SPECC1L: variants seen among roughly 807,000 people sequenced by gnomAD.
SPECC1L encodes sperm antigen with calponin homology and coiled-coil domains 1 like.
Under a neutral mutation model 116.8 loss-of-function variants are expected in SPECC1L, and 40 were observed. The ratio of observed to expected loss-of-function variants is 0.34; its 90% confidence interval spans 0.27 to 0.45. The LOEUF (loss-of-function observed/expected upper bound fraction) is 0.45, where lower values mean the gene tolerates loss of function less well. SPECC1L is among the 20% of genes least tolerant of loss of function. The pLI, the probability that SPECC1L is intolerant of heterozygous loss-of-function variation, is 1.00. For synonymous variants in SPECC1L, 504 were observed against 500.6 expected (o/e 1.01, Z -0.09); for missense variants, 1,110 against 1,373.6 (o/e 0.81, Z 3.03).
At chr22:24,300,329 A>G (rs1395085582) in intron 2 of SPECC1L, among the ~76,000 whole-genome samples, 3 of 152,194 alleles carry the variant, frequency 2.0e-5, no homozygotes, top group African/African-American at 7.2e-5. Context: ...TTATGGCTGC[A>G]TAGTATTCCA....
At chr22:24,271,497 C>A (rs1167461361) in intron 1 of SPECC1L, among the ~76,000 whole-genome samples, 2 of 152,258 alleles carry the variant, frequency 1.3e-5, no homozygotes, top group African/African-American at 4.8e-5. Context: ...GCGCCCGAGG[C>A]GGACGGAACG....
At chr22:24,281,861 T>C (rs5760308) in intron 2 of SPECC1L, among the ~76,000 whole-genome samples, 6,749 of 152,302 alleles carry the variant, frequency 0.044, 330 homozygotes, top group South Asian at 0.14. Flanking sequence ...ACCTTGCCCA[T>C]TGCCTAGACA....
chr22:24,272,862 A>G (rs550306734), intron 1 of SPECC1L, among the ~76,000 whole-genome samples: 15 of 152,238 alleles, frequency 9.9e-5, no homozygotes, highest in African/African-American at 3.6e-4. Flanking sequence ...AGAGTCGCTT[A>G]GCCGATTCAG....
At chr22:24,350,196 T>A (rs913542962) in intron 11 of SPECC1L, among the ~76,000 whole-genome samples, 1 of 152,116 alleles carries the variant, frequency 6.6e-6, no homozygotes, top group Admixed American at 6.5e-5. Flanking sequence ...TATTTAAAGA[T>A]GGAAACCACT....
intron 3 of SPECC1L, among the ~76,000 whole-genome samples, chr22:24,310,406 T>C (rs2040439913): frequency 6.6e-6 from 1 of 152,250 alleles, no homozygotes; most frequent in Non-Finnish European, 1.5e-5. Context: ...AGAAGGTAAA[T>C]ACATGTGTAA....
At chr22:24,334,359 G>A (rs892768068) in intron 8 of SPECC1L, 51 bp from the exon 9 acceptor site, 21 of 1,590,404 alleles carry the variant, frequency 1.3e-5, no homozygotes, top group Non-Finnish European at 1.8e-5. Context: ...GGGAAAATGT[G>A]TATGTTCTAG....
At chr22:24,303,847 GT>G (rs1569412507) in intron 3 of SPECC1L, among the ~76,000 whole-genome samples, 1,564 of 26,460 alleles carry the variant, frequency 0.059, 31 homozygotes, top group African/African-American at 0.12. Flanking sequence ...TAAATAGGGT[GT>G]GTGTGTGTGT....
Position 24,322,874 on chromosome 22 carries a change from C to T in SPECC1L, c.1894C>T (p.His632Tyr). ...TAGTAGCTTGCAGGAAGATCTGGCT[C>T]ATACCCGAAATGATGCCAATCGATT... The part of the protein sequence containing the change: ...LASSLQEDLA[H>Y]TRNDANRLQD... Residue 632 changes from histidine to tyrosine, a missense_variant, in exon 5 of 17, where the codon CAT becomes TAT. Transcript: ENST00000314328. 1 of 1,613,750 alleles carries T rather than the reference C, an allele frequency of 6.2e-7. No individual in the cohort carries two copies. Among genetic ancestry groups the T allele is most frequent in the African/African-American group, 1.3e-5 (1 of 75,018 alleles).
In SPECC1L at chr22:24,330,441, G is replaced by C. The variant is rs1479763935; in HGVS notation, c.2396+10G>C. ...AAATAAAGTCACGCAAGTAAGTTCTGAGAAACCTGTTGTGTACTTATGTTT... is the reference window on the plus strand; with the variant it reads ...AAATAAAGTCACGCAAGTAAGTTCTCAGAAACCTGTTGTGTACTTATGTTT... On this transcript the variant is annotated intron_variant, in intron 8 of 16. Coordinates refer to ENST00000314328, the MANE Select transcript of SPECC1L (RefSeq NM_015330.6). 1 of 1,614,012 alleles carries C rather than the reference G, an allele frequency of 6.2e-7. No homozygotes were observed. Among genetic ancestry groups the C allele is most frequent in the African/African-American group, 1.3e-5 (1 of 75,038 alleles).
chr22:24,390,019 A>G (rs141877535), intron 14 of SPECC1L, among the ~76,000 whole-genome samples: 388 of 152,132 alleles, frequency 2.6e-3, no homozygotes, highest in South Asian at 7.3e-3. Flanking sequence ...TAGACACTAC[A>G]TACTGGAAAA....
chr22:24,414,009 T>G (rs1440790103), intron 16 of SPECC1L, among the ~76,000 whole-genome samples: 10 of 152,196 alleles, frequency 6.6e-5, no homozygotes, highest in Non-Finnish European at 1.5e-4. Context: ...TTCCCAAGTT[T>G]ATTTTCCTAG....
intron 12 of SPECC1L, among the ~76,000 whole-genome samples, chr22:24,364,501 G>A (rs1199973845): frequency 6.6e-6 from 1 of 151,828 alleles, no homozygotes; most frequent in Non-Finnish European, 1.5e-5. Flanking sequence ...TGTGTCTACT[G>A]AAAATACAAA....
chr22:24,313,654 AC>A (rs1381297844), intron 4 of SPECC1L, among the ~76,000 whole-genome samples, 188 bp downstream of exon 4: 1 of 151,034 alleles, frequency 6.6e-6, no homozygotes, highest in Non-Finnish European at 1.5e-5. Context: ...CCTGATACCC[AC>A]CCTTCCCTCT....
intron 14 of SPECC1L, among the ~76,000 whole-genome samples, chr22:24,379,328 C>T (rs2042021392): frequency 6.6e-6 from 1 of 151,610 alleles, no homozygotes; most frequent in Non-Finnish European, 1.5e-5. Context: ...TGCTGTGAGC[C>T]ATTATTGTAC....
rs745978307 is a variant in SPECC1L, at chr22:24,363,255, G to A, written c.2744-6G>A. On this transcript the variant is annotated splice_polypyrimidine_tract_variant and splice_region_variant and intron_variant, in intron 11 of 16. Transcript: ENST00000314328. ...TCTTTATTGGGATTCTTTCTACTTT[G>A]TACAGAGCATCTGTTAAGAACATCT... The A allele has an allele frequency of 1.2e-6, 2 of 1,612,950 alleles. No individual in the cohort carries two copies. Among genetic ancestry groups the A allele is most frequent in the South Asian group, 2.2e-5 (2 of 91,058 alleles).
chr22:24,411,700 A>ATAAG lies in SPECC1L; in HGVS notation c.3201_3204dup (p.Arg1069Ter). ...CCATATCAAGAACTGAACAGCCAGG[A>ATAAG]TAAGGTAGGCCATGGAGGGCCAGCT... is the stretch of plus-strand genomic sequence containing the variant. On this transcript the variant is annotated frameshift_variant, in exon 15 of 17. Coordinates refer to ENST00000314328, the MANE Select transcript of SPECC1L (RefSeq NM_015330.6). LOFTEE classifies it high-confidence loss of function. 1 of 1,612,756 alleles carries ATAAG rather than the reference A, an allele frequency of 6.2e-7. No individual in the cohort carries two copies. The highest frequency in any genetic ancestry group is 8.5e-7 in the Non-Finnish European group (1 of 1,179,644).
rs1297565088 is a variant in SPECC1L at position 24,322,137 on chromosome 22, G to A, written c.1157G>A (p.Gly386Glu). 2 of 1,613,836 alleles carry A rather than the reference G, an allele frequency of 1.2e-6. No individual in the cohort carries two copies. Among genetic ancestry groups the A allele is most frequent in the African/African-American group, 2.7e-5 (2 of 74,932 alleles). The change falls in exon 5 of 17, where the codon GGG becomes GAG. Residue 386 changes from glycine to glutamate, a missense_variant. This residue lies in a region of SPECC1L where 437 missense variants were observed against 482.6 expected (regional missense o/e 0.91). Coordinates refer to ENST00000314328, the MANE Select transcript of SPECC1L (RefSeq NM_015330.6). ...SIERSRKGSSGNASEVSVACL... is the reference protein window; with the variant it reads ...SIERSRKGSSENASEVSVACL... ...GAGCGCTCCCGGAAGGGGAGCAGCGGGAATGCCAGTGAAGTGTCCGTGGCT... is the reference window on the plus strand; with the variant it reads ...GAGCGCTCCCGGAAGGGGAGCAGCGAGAATGCCAGTGAAGTGTCCGTGGCT...
At chr22:24,408,376 G>A (rs6004147) in intron 14 of SPECC1L, among the ~76,000 whole-genome samples, 1 of 152,262 alleles carries the variant, frequency 6.6e-6, no homozygotes, top group East Asian at 1.9e-4. Context: ...CATGGAGGGC[G>A]GGCCAGGCCT....
At chr22:24,413,393 A>G (rs898335140) in intron 16 of SPECC1L, among the ~76,000 whole-genome samples, 3 of 152,204 alleles carry the variant, frequency 2.0e-5, no homozygotes, top group African/African-American at 7.2e-5. Context: ...CACATGGGAC[A>G]CACAGACCAT....
Sources: gnomAD v4.1 joint callset for allele counts (sites outside exome capture counted in the v4.1 genomes callset) on GRCh38, gnomAD v4.1.1 for gene constraint, gnomAD v4.1.1 regional missense constraint, MANE v1.5 for transcripts, NCBI Gene and HGNC (gene_info 2026-07-23, HGNC 2026-07-21) for gene names.